DSCAML1: variants seen among roughly 807,000 people sequenced by gnomAD.
The protein encoded by DSCAML1 is DS cell adhesion molecule like 1.
DSCAML1 carries 38 observed loss-of-function variants against 200.5 expected under a neutral mutation model. The ratio of observed to expected loss-of-function variants is 0.19; its 90% CI spans 0.15 to 0.25. The LOEUF (loss-of-function observed/expected upper bound fraction) is 0.25, where lower values mean the gene tolerates loss of function less well. DSCAML1 is among the 10% of genes least tolerant of loss of function. The probability of loss-of-function intolerance (pLI) is 1.00; values close to 1 mark genes in which losing one functional copy is unlikely to be tolerated. For missense variants in DSCAML1, 2,223 were observed against 2,858.8 expected (o/e 0.78, Z 5.07); for synonymous variants, 1,215 against 1,165.0 (o/e 1.04, Z -0.87).
At position 117,780,516 on chromosome 11, in the gene DSCAML1, C is replaced by G. The variant is rs754539157; in HGVS notation, c.341G>C (p.Ser114Thr). Residue 114 changes from serine to threonine, a missense_variant, in exon 2 of 33, where the codon AGC becomes ACC. Ser to Thr is a moderately conservative substitution (Grantham distance 58). Coordinates refer to ENST00000651296, the MANE Select transcript of DSCAML1 (RefSeq NM_020693.4). This position sits in a 1 kb window ranked among gnomAD's most constrained non-coding sequence, Gnocchi z 4.8. ...TAENAAGKIR[S>T]PNIRVKAVFR... ...ACCTGCTTTGACGCGGATGTTGGGGCTCCGGATCTTGCCGGCAGCGTTCTC... is the reference window on the plus strand; with the variant it reads ...ACCTGCTTTGACGCGGATGTTGGGGGTCCGGATCTTGCCGGCAGCGTTCTC... 3 of 1,454,518 alleles carry G rather than the reference C, an allele frequency of 2.1e-6. No individual in the cohort carries two copies. The East Asian group carries it at 7.8e-5, about 38-fold the overall frequency. The allele number at this position is 1,454,518 out of a possible 1,614,324, so 90.1% of individuals were successfully genotyped here.
At chr11:117,797,497 G>T (rs1254565647), upstream of DSCAML1, among the ~76,000 whole-genome samples, 1 of 152,234 alleles carries the variant, frequency 6.6e-6, no homozygotes, top group Non-Finnish European at 1.5e-5. Flanking sequence ...TGTGCCAACA[G>T]CCTGCCATGC....
At chr11:117,695,315 C>CTA (rs2053569423) in intron 3 of DSCAML1, among the ~76,000 whole-genome samples, 1 of 116,700 alleles carries the variant, frequency 8.6e-6, no homozygotes, top group Non-Finnish European at 1.8e-5. Context: ...CTTTCTTTTT[C>CTA]TTTTTTTTTT....
chr11:117,775,901 A>G (rs1216716734), intron 3 of DSCAML1, among the ~76,000 whole-genome samples: 1 of 152,166 alleles, frequency 6.6e-6, no homozygotes, highest in Non-Finnish European at 1.5e-5. Flanking sequence ...CAGTTATGAG[A>G]CCTTAATGCT....
intron 17 of DSCAML1, among the ~76,000 whole-genome samples, chr11:117,462,245 G>A (rs960919581): frequency 6.6e-6 from 1 of 152,230 alleles, no homozygotes; most frequent in African/African-American, 2.4e-5. Context: ...AAGGCTTGGT[G>A]TGATGGGAAA....
chr11:117,446,103 T>A (rs1012982169), intron 20 of DSCAML1, among the ~76,000 whole-genome samples: 1 of 152,152 alleles, frequency 6.6e-6, no homozygotes, highest in African/African-American at 2.4e-5. Context: ...CTGGCTCACA[T>A]CTGTAATCCC....
chr11:117,471,731 C>T (rs1373323090), intron 15 of DSCAML1, 138 bp downstream of exon 15: 3 of 793,310 alleles, frequency 3.8e-6, no homozygotes, highest in Non-Finnish European at 5.3e-6. Context: ...GAGGTGGACA[C>T]AAACATCTGT....
chr11:117,482,035 G>C lies in DSCAML1; in HGVS notation c.2487C>G (p.Ile829Met). Residue 829 changes from isoleucine (I) to methionine (M), a missense_variant, in exon 12 of 33, where the codon ATC becomes ATG. Around this residue, in one of 7 missense-constraint regions of DSCAML1, gnomAD observed 438 missense variants for 629.7 expected, o/e 0.70. Coordinates refer to ENST00000651296, the MANE Select transcript of DSCAML1 (RefSeq NM_020693.4). ...IIRWEKGDTV[I>M]DPDRVMRYAI... is the part of the protein sequence containing the mutation. ...CATACCGCATGACGCGGTCAGGGTC[G>C]ATGACTGTGTCCCCCTTCTCCCAGC... The C allele has an allele frequency of 6.2e-7, 1 of 1,614,174 alleles. No homozygotes were observed. The highest frequency in any genetic ancestry group is 8.5e-7 in the Non-Finnish European group (1 of 1,180,008).
chr11:117,586,879 A>G (rs1013480848), intron 3 of DSCAML1, among the ~76,000 whole-genome samples: 2 of 152,198 alleles, frequency 1.3e-5, no homozygotes, highest in Non-Finnish European at 2.9e-5. Context: ...CTAAGCCTAG[A>G]TCTGGCTTGC....
intron 3 of DSCAML1, among the ~76,000 whole-genome samples, chr11:117,759,197 A>G (rs909271202): frequency 5.9e-5 from 9 of 152,134 alleles, no homozygotes; most frequent in Admixed American, 5.9e-4. Context: ...AGAAATACCC[A>G]GGGCATTAGG....
intron 11 of DSCAML1, among the ~76,000 whole-genome samples, chr11:117,500,179 A>G (rs901055815): frequency 1.3e-5 from 2 of 152,198 alleles, no homozygotes; most frequent in Non-Finnish European, 2.9e-5. Context: ...TCAAGCCCTA[A>G]TTAGAGACTA....
intron 3 of DSCAML1, among the ~76,000 whole-genome samples, chr11:117,626,170 G>A (rs79952988): frequency 1.9e-4 from 28 of 151,218 alleles, no homozygotes; most frequent in African/African-American, 5.1e-4. Flanking sequence ...CCTAGTGGGC[G>A]GTGTTTAGCA....
rs2049457416 is a variant in DSCAML1, at chr11:117,504,648, G to C, written c.2182+276C>G. ...GCGGTAGGGAAAGCAGGCATACACTGAGTTCTGGGGCGGAGATGGGAGAGG... is the reference window on the plus strand; with the variant it reads ...GCGGTAGGGAAAGCAGGCATACACTCAGTTCTGGGGCGGAGATGGGAGAGG... On this transcript the variant is annotated intron_variant, in intron 10 of 32. Coordinates refer to ENST00000651296, the MANE Select transcript of DSCAML1 (RefSeq NM_020693.4). The surrounding 1 kb of genome is among the most constrained non-coding windows in gnomAD (Gnocchi z 5.0). Among the ~76,000 whole-genome samples, 2 of 152,160 alleles carry C rather than the reference G, an allele frequency of 1.3e-5. No individual in the cohort carries two copies. The highest frequency in any genetic ancestry group is 2.1e-4 in the South Asian group (1 of 4,830).
chr11:117,492,958 A>C (rs2049216290), intron 11 of DSCAML1, among the ~76,000 whole-genome samples: 1 of 152,214 alleles, frequency 6.6e-6, no homozygotes, highest in African/African-American at 2.4e-5. Flanking sequence ...TTCAGATTGC[A>C]TGGAAGCAAT....
At chr11:117,523,491 C>T (rs1439196586) in intron 5 of DSCAML1, among the ~76,000 whole-genome samples, 6 of 152,194 alleles carry the variant, frequency 3.9e-5, no homozygotes, top group Non-Finnish European at 7.3e-5. Flanking sequence ...GCATTTGCAC[C>T]GTGCACTGCC....
In DSCAML1 at chr11:117,678,757, C is replaced by T. The variant is rs555645927; in HGVS notation, c.511+98034G>A. Among the ~76,000 whole-genome samples, 13 of 152,304 alleles carry T rather than the reference C, an allele frequency of 8.5e-5. No individual in the cohort carries two copies. In the South Asian group the frequency reaches 1.5e-3, roughly 17 times the overall value. ...CAGGACAATGGCATGCGCCAGAAGG[C>T]GGATGGGGAGAAGTGGCAGGAGATG... is the stretch of plus-strand genomic sequence containing the variant. On this transcript the variant is annotated intron_variant, in intron 3 of 32. Coordinates refer to ENST00000651296, the MANE Select transcript of DSCAML1 (RefSeq NM_020693.4).
At chr11:117,788,947 T>A (rs2055411377) in intron 1 of DSCAML1, among the ~76,000 whole-genome samples, 1 of 152,120 alleles carries the variant, frequency 6.6e-6, no homozygotes, top group Admixed American at 6.5e-5. Context: ...GGTATGATAA[T>A]TCAGAATTAC....
At chr11:117,564,911 G>T (rs2050729594) in intron 3 of DSCAML1, among the ~76,000 whole-genome samples, 1 of 152,004 alleles carries the variant, frequency 6.6e-6, no homozygotes, top group African/African-American at 2.4e-5. Flanking sequence ...GATTATAGGT[G>T]TCTGCCACCA....
intron 3 of DSCAML1, among the ~76,000 whole-genome samples, chr11:117,615,026 G>A (rs559136284): frequency 2.6e-5 from 4 of 152,236 alleles, no homozygotes; most frequent in South Asian, 2.1e-4. Flanking sequence ...AAAAAAAGCC[G>A]GTAAAGAATC....
intron 3 of DSCAML1, among the ~76,000 whole-genome samples, chr11:117,607,691 T>C (rs1219810726): frequency 6.6e-6 from 1 of 152,196 alleles, no homozygotes; most frequent in East Asian, 1.9e-4. Context: ...ACACCTTATC[T>C]GTGCTGAGAC....
Sources: allele counts gnomAD v4.1 joint callset (sites outside exome capture counted in the v4.1 genomes callset), GRCh38; gene constraint gnomAD v4.1.1; regional missense constraint gnomAD v4.1.1; non-coding constraint Gnocchi (gnomAD v3.1); transcripts MANE v1.5; gene names NCBI Gene and HGNC (gene_info 2026-07-23, HGNC 2026-07-21).